Variants in EYS observed in about 807,000 individuals in gnomAD.
EYS encodes protein eyes shut homolog.
Under a neutral mutation model 282.1 loss-of-function variants are expected in EYS, and 250 were observed. The observed-to-expected ratio is 0.89, with a 90% CI of 0.80 to 0.98. EYS has a LOEUF of 0.98. EYS is among the 50% of genes least tolerant of loss of function. EYS has a pLI of 0.00. For missense variants in EYS, 4,016 were observed against 3,709.0 expected, an observed-to-expected ratio of 1.08 and a Z score of -2.15; for synonymous variants, 1,355 against 1,282.9, an observed-to-expected ratio of 1.06 and a Z score of -1.20.
chr6:64,537,443 AT>A (rs1236090046), intron 26 of EYS, among the ~76,000 whole-genome samples: 1 of 152,058 alleles, frequency 6.6e-6, no homozygotes, highest in Non-Finnish European at 1.5e-5. Context: ...GTCTTGTAAA[AT>A]TTATTTTGTT....
At chr6:65,587,792 A>G (rs1765104591) in intron 2 of EYS, among the ~76,000 whole-genome samples, 2 of 152,138 alleles carry the variant, frequency 1.3e-5, no homozygotes, top group Admixed American at 1.3e-4. Flanking sequence ...TTTCATATGC[A>G]ATAATATTTT....
chr6:63,808,879 A>C (rs1770970935), intron 36 of EYS, among the ~76,000 whole-genome samples: 1 of 152,206 alleles, frequency 6.6e-6, no homozygotes, highest in Non-Finnish European at 1.5e-5. Context: ...TCCGTTAAAC[A>C]TTGGGTTAAA....
At chr6:63,797,525 G>A (rs1480652580) in intron 37 of EYS, 2 of 152,090 alleles carry the variant, frequency 1.3e-5, no homozygotes, top group Non-Finnish European at 2.9e-5. Context: ...AACTCTTAAA[G>A]AGCATATAGT....
At chr6:64,100,240 C>T (rs1772780245) in intron 31 of EYS, among the ~76,000 whole-genome samples, 1 of 152,116 alleles carries the variant, frequency 6.6e-6, no homozygotes, top group Admixed American at 6.5e-5. Flanking sequence ...CTCTCTGCTA[C>T]ATTATTCAGG....
chr6:65,650,799 C>A (rs1177582790), intron 1 of EYS, among the ~76,000 whole-genome samples: 2 of 152,136 alleles, frequency 1.3e-5, no homozygotes, highest in Non-Finnish European at 2.9e-5. Context: ...ATTTGCCCAT[C>A]TACTAATCTC....
At position 64,282,274 on chromosome 6, in the gene EYS, G is replaced by T. The variant is rs1259661814; in HGVS notation, c.6191+24696C>A. On this transcript the variant is annotated intron_variant, in intron 30 of 42. Coordinates refer to ENST00000503581, the MANE Select transcript of EYS (RefSeq NM_001142800.2). ...CTTAGTTGCAAAGATTTTGGGACAG[G>T]GTCTAACATAGATATCCATGCAACA... Among the ~76,000 whole-genome samples, 7 of 152,106 alleles carry T rather than the reference G, an allele frequency of 4.6e-5. No homozygotes were observed. In the South Asian group the frequency reaches 1.2e-3, roughly 27 times the overall value.
intron 29 of EYS, among the ~76,000 whole-genome samples, chr6:64,328,526 C>T (rs1386729928): frequency 6.6e-6 from 1 of 152,186 alleles, no homozygotes; most frequent in East Asian, 1.9e-4. Flanking sequence ...GCGAGGCTTA[C>T]CAGCTTTACA....
chr6:65,140,334 T>G (rs1430255462), intron 12 of EYS, among the ~76,000 whole-genome samples: 1 of 151,462 alleles, frequency 6.6e-6, no homozygotes, highest in African/African-American at 2.4e-5. Flanking sequence ...AAATGAATAA[T>G]AGAAAATAAA....
At chr6:65,127,689 T>C (rs1775760210) in intron 12 of EYS, among the ~76,000 whole-genome samples, 1 of 152,062 alleles carries the variant, frequency 6.6e-6, no homozygotes, top group South Asian at 2.1e-4. Flanking sequence ...ATTGAACACA[T>C]GTTTACTCAG....
chr6:64,863,783 A>C (rs9351456), intron 19 of EYS, among the ~76,000 whole-genome samples: 23,578 of 152,212 alleles, frequency 0.15, 2,155 homozygotes, highest in East Asian at 0.49. Flanking sequence ...CCCTTATAGA[A>C]TGTTGTCTAT....
chr6:65,695,855 G>A (rs1337240109), intron 1 of EYS, among the ~76,000 whole-genome samples: 1 of 151,812 alleles, frequency 6.6e-6, no homozygotes, highest in Non-Finnish European at 1.5e-5. Context: ...TCTATATCCT[G>A]TGAATATTCA....
chr6:63,754,561 T>A lies in EYS; in HGVS notation c.8071+7900A>T, dbSNP rs557917704. 3.3e-5 allele frequency among the ~76,000 whole-genome samples: 5 copies of A among 152,350 alleles called. No individual in the cohort carries two copies. The East Asian group carries it at 9.6e-4, about 29-fold the overall frequency. ...GCTGCATAGTATTCCATGGCATATA[T>A]GTGCCACATTTTCTTTATCCAGTCT... On this transcript the variant is annotated intron_variant, in intron 41 of 42. Transcript: ENST00000503581.
At chr6:64,032,554 G>A (rs1769903648) in intron 33 of EYS, among the ~76,000 whole-genome samples, 1 of 152,182 alleles carries the variant, frequency 6.6e-6, no homozygotes, top group Admixed American at 6.5e-5. Flanking sequence ...GACCCTACGG[G>A]TTAAGGGCTC....
chr6:64,825,583 C>A (rs1162343238), intron 19 of EYS, among the ~76,000 whole-genome samples: 1 of 151,858 alleles, frequency 6.6e-6, no homozygotes, highest in Non-Finnish European at 1.5e-5. Context: ...TCTTGAGAAT[C>A]TGGGGAAACT....
chr6:64,087,951 C>A (rs1001153554), intron 31 of EYS, among the ~76,000 whole-genome samples: 18 of 152,034 alleles, frequency 1.2e-4, no homozygotes, highest in African/African-American at 4.1e-4. Flanking sequence ...TTTGCAGGAG[C>A]ACATCTATTA....
Position 65,340,003 on chromosome 6 carries a change from G to A in EYS, c.1599+4035C>T, listed in dbSNP as rs180735149. On this transcript the variant is annotated intron_variant, in intron 10 of 42. Coordinates refer to ENST00000503581, the MANE Select transcript of EYS (RefSeq NM_001142800.2). The stretch of plus-strand genomic sequence containing the variant: ...CCTGTCTGAAGTTTAGTCAAGGTGA[G>A]GGAAAGAGGAAGGTTGTTTTGGCTC... Among the ~76,000 whole-genome samples, 4 of 151,312 alleles carry A rather than the reference G, an allele frequency of 2.6e-5. No homozygotes were observed. In the East Asian group the frequency reaches 7.8e-4, roughly 30 times the overall value.
At chr6:64,663,046 CTTT>C (rs946755100) in intron 22 of EYS, among the ~76,000 whole-genome samples, 2 of 152,036 alleles carry the variant, frequency 1.3e-5, no homozygotes, top group African/African-American at 4.8e-5. Flanking sequence ...AAGAAAATAG[CTTT>C]TTATTGAAGA....
intron 5 of EYS, among the ~76,000 whole-genome samples, chr6:65,461,730 T>C (rs1197499664): frequency 6.6e-6 from 1 of 152,116 alleles, no homozygotes; most frequent in Non-Finnish European, 1.5e-5. Flanking sequence ...ATATTTTATA[T>C]CACAAGCTGC....
rs530303547 is a variant in EYS at position 63,953,480 on chromosome 6, A to G, written c.7055+30903T>C. 8.8e-4 allele frequency among the ~76,000 whole-genome samples: 134 copies of G among 152,174 alleles called. 1 individual carries two copies. Among genetic ancestry groups the G allele is most frequent in the African/African-American group, 3.1e-3 (130 of 41,506 alleles). On this transcript the variant is annotated intron_variant, in intron 35 of 42. Coordinates refer to ENST00000503581, the MANE Select transcript of EYS (RefSeq NM_001142800.2). ...CCTCATCTGTTACGTATCTTGGCAT[A>G]ATTCTTCATAAAAACAAATGTGCTC...
Sources: allele counts gnomAD v4.1 joint callset (sites outside exome capture counted in the v4.1 genomes callset), GRCh38; gene constraint gnomAD v4.1.1; transcripts MANE v1.5; gene names NCBI Gene and HGNC (gene_info 2026-07-23, HGNC 2026-07-21).